CPQ: variants seen among roughly 807,000 people sequenced by gnomAD.
CPQ encodes the protein Ser-Met dipeptidase.
A neutral mutation model predicts 45.7 loss-of-function variants in CPQ; 37 were observed. That is an observed-to-expected ratio of 0.81 (90% CI 0.62 to 1.07). The LOEUF (loss-of-function observed/expected upper bound fraction) is 1.07. Ranked by LOEUF, CPQ falls within the 50% of genes least tolerant of loss-of-function variation. The pLI, the probability that CPQ is intolerant of heterozygous loss-of-function variation, is 0.00. For synonymous variants in CPQ, 186 were observed against 205.8 expected (o/e 0.90, Z 0.82); for missense variants, 537 against 572.9 (o/e 0.94, Z 0.64).
chr8:96,973,962 GA>G (rs1380696309), intron 5 of CPQ, among the ~76,000 whole-genome samples: 1 of 151,752 alleles, frequency 6.6e-6, no homozygotes, highest in African/African-American at 2.4e-5. Flanking sequence ...TAACACAGTG[GA>G]AAAAAAGGTA....
At chr8:96,999,851 A>G (rs549866018) in intron 5 of CPQ, among the ~76,000 whole-genome samples, 115 of 152,230 alleles carry the variant, frequency 7.6e-4, no homozygotes, top group African/African-American at 2.6e-3. Context: ...TTACACTCCC[A>G]CCAAAAGTGT....
At chr8:96,927,580 T>C (rs1366791501) in intron 4 of CPQ, among the ~76,000 whole-genome samples, 3 of 152,156 alleles carry the variant, frequency 2.0e-5, no homozygotes, top group African/African-American at 7.2e-5. Flanking sequence ...CCCACAGTCA[T>C]TTAATGAGGT....
intron 4 of CPQ, among the ~76,000 whole-genome samples, chr8:96,909,306 GTTTC>G (rs1333869788): frequency 1.3e-5 from 2 of 151,664 alleles, no homozygotes; most frequent in East Asian, 1.9e-4. Flanking sequence ...GTTACCATCT[GTTTC>G]TTTCTTAATT....
intron 1 of CPQ, among the ~76,000 whole-genome samples, chr8:96,692,606 G>A (rs1809319341): frequency 6.6e-6 from 1 of 152,180 alleles, no homozygotes; most frequent in African/African-American, 2.4e-5. Flanking sequence ...AAGTCCACAG[G>A]AGCCACAGTT....
rs191243717 is a variant in CPQ, at chr8:96,947,797, C to G, written c.850-18138C>G. Among the ~76,000 whole-genome samples the G allele has an allele frequency of 7.3e-4, 111 of 152,232 alleles. 1 individual carries two copies. Among genetic ancestry groups the G allele is most frequent in the African/African-American group, 2.6e-3 (109 of 41,552 alleles). ...TTAAAATAAGACTTCATGTCCCTCT[C>G]TTTCCCATCATTATCTAACTGTATG... On this transcript the variant is annotated intron_variant, in intron 4 of 7. Transcript: ENST00000220763.
intron 4 of CPQ, among the ~76,000 whole-genome samples, chr8:96,929,135 T>C (rs1812936071): frequency 6.6e-6 from 1 of 152,222 alleles, no homozygotes; most frequent in Non-Finnish European, 1.5e-5. Context: ...CTGATTTACA[T>C]GAGTGATAGT....
chr8:96,767,456 CT>C (rs1810481600), intron 1 of CPQ, among the ~76,000 whole-genome samples: 1 of 149,310 alleles, frequency 6.7e-6, no homozygotes, highest in Non-Finnish European at 1.5e-5. Context: ...CTCCTCTCCT[CT>C]TTTACTTCTG....
At chr8:96,666,059 T>G (rs1309780147) in intron 1 of CPQ, among the ~76,000 whole-genome samples, 2 of 149,956 alleles carry the variant, frequency 1.3e-5, no homozygotes, top group East Asian at 4.0e-4. Flanking sequence ...GCCTTTATTG[T>G]GGGGTTTGTG....
At chr8:96,669,789 A>G (rs1242355234) in intron 1 of CPQ, among the ~76,000 whole-genome samples, 2 of 152,184 alleles carry the variant, frequency 1.3e-5, no homozygotes, top group Admixed American at 6.5e-5. Flanking sequence ...TTTGGAAAGG[A>G]GAGAAAAACA....
At chr8:96,671,885 G>A (rs1314501631) in intron 1 of CPQ, among the ~76,000 whole-genome samples, 1 of 151,936 alleles carries the variant, frequency 6.6e-6, no homozygotes. Flanking sequence ...TGAAAACTTG[G>A]GGCAACTAAA....
At chr8:96,797,834 G>A (rs149633349) in intron 2 of CPQ, among the ~76,000 whole-genome samples, 40 of 152,102 alleles carry the variant, frequency 2.6e-4, no homozygotes, top group African/African-American at 7.9e-4. Context: ...GGTGGATCAC[G>A]AGGTCAGGAG....
chr8:96,776,872 A>G (rs1810611289), intron 1 of CPQ, among the ~76,000 whole-genome samples: 1 of 152,166 alleles, frequency 6.6e-6, no homozygotes, highest in African/African-American at 2.4e-5. Flanking sequence ...ATGATACAGC[A>G]TGGGTTTTTA....
intron 2 of CPQ, among the ~76,000 whole-genome samples, chr8:96,810,369 T>C (rs1304992163): frequency 6.6e-6 from 1 of 151,920 alleles, no homozygotes; most frequent in African/African-American, 2.4e-5. Flanking sequence ...CCAAAGGGAG[T>C]GGTGAGGACA....
intron 2 of CPQ, 38 bp downstream of exon 2, chr8:96,785,368 A>C (rs1308785396): frequency 1.3e-6 from 2 of 1,484,972 alleles, no homozygotes; most frequent in Non-Finnish European, 1.8e-6. Flanking sequence ...GTATTTTATA[A>C]AACTAATGTC....
At chr8:96,701,889 C>T (rs1211987793) in intron 1 of CPQ, among the ~76,000 whole-genome samples, 2 of 152,162 alleles carry the variant, frequency 1.3e-5, no homozygotes, top group African/African-American at 4.8e-5. Flanking sequence ...CTCACTCATC[C>T]CTTCTACTAA....
At chr8:97,026,928 C>G (rs563948783) in intron 5 of CPQ, among the ~76,000 whole-genome samples, 37 of 152,286 alleles carry the variant, frequency 2.4e-4, no homozygotes, top group Admixed American at 2.3e-3. Flanking sequence ...TATTCTGTAG[C>G]CTGTGCTGCC....
At chr8:96,684,054 G>T (rs1809190204) in intron 1 of CPQ, among the ~76,000 whole-genome samples, 1 of 151,688 alleles carries the variant, frequency 6.6e-6, no homozygotes, top group Non-Finnish European at 1.5e-5. Context: ...CTTTACTTTG[G>T]GATCTCTTAC....
chr8:97,040,896 A>G (rs201276270), intron 6 of CPQ, among the ~76,000 whole-genome samples: 12,997 of 152,090 alleles, frequency 0.085, 1,108 homozygotes, highest in African/African-American at 0.22. Flanking sequence ...GCCTTGTAGT[A>G]TAGTTTGAAG....
intron 7 of CPQ, among the ~76,000 whole-genome samples, chr8:97,077,994 T>C (rs1035901172): frequency 6.6e-6 from 1 of 152,230 alleles, no homozygotes; most frequent in African/African-American, 2.4e-5. Context: ...TATTTACCTA[T>C]TTTTAAACCA....
Sources: gnomAD v4.1 joint callset for allele counts (sites outside exome capture counted in the v4.1 genomes callset) on GRCh38, gnomAD v4.1.1 for gene constraint, MANE v1.5 for transcripts, NCBI Gene and HGNC (gene_info 2026-07-23, HGNC 2026-07-21) for gene names.